The following ILDR1 variants were observed in gnomAD, a reference collection of about 807,000 sequenced individuals.
ILDR1 encodes immunoglobulin-like domain-containing receptor 1.
A neutral mutation model predicts 62.4 loss-of-function variants in ILDR1; 56 were observed. The ratio of observed to expected loss-of-function variants is 0.90; its 90% CI spans 0.72 to 1.12. The LOEUF (loss-of-function observed/expected upper bound fraction) is 1.12. Ranked by LOEUF, ILDR1 falls within the 50% of genes most tolerant of loss-of-function variation. The probability of loss-of-function intolerance (pLI) is 0.00; values close to 1 mark genes in which losing one functional copy is unlikely to be tolerated. For missense variants in ILDR1, 736 were observed against 710.6 expected (o/e 1.04, Z -0.41); for synonymous variants, 284 against 277.8 (o/e 1.02, Z -0.22).
rs1469918605 is a variant in ILDR1, at chr3:122,005,302, C to T, written c.321G>A (p.Gly107=). ...CTACCCCCAGCACGGGCTCATTCTG[C>T]CCCCGCCGCTGGGCCACTATGCGAA... ...REVRIVAQRR[G]QNEPVLGVDY... The change falls in exon 3 of 8, where the codon GGG becomes GGA. Residue 107 remains glycine, a synonymous_variant. Coordinates refer to ENST00000344209, the MANE Select transcript of ILDR1 (RefSeq NM_001199799.2). The T allele has an allele frequency of 2.5e-6, 4 of 1,613,566 alleles. No individual in the cohort carries two copies. In the South Asian group the frequency reaches 3.3e-5, roughly 13 times the overall value.
Position 121,993,293 on chromosome 3 carries a change from C to A in ILDR1, c.1456G>T (p.Glu486Ter). 9 of 1,613,502 alleles carry A rather than the reference C, an allele frequency of 5.6e-6. No individual in the cohort carries two copies. The highest frequency in any genetic ancestry group is 7.6e-6 in the Non-Finnish European group (9 of 1,179,678). The change falls in exon 7 of 8, where the codon GAG (glutamate) becomes TAG (stop). Residue 486 changes from glutamate (E) to a stop codon, truncating the protein, a stop_gained. Transcript: ENST00000344209. LOFTEE classifies it high-confidence loss of function. ...GCCCGCCAGCTCTGGGGCTGCCTCT[C>A]CTTGTCCTCTTCAGAGCTCCAGGAA... ...LSSWSSEEDK[E>*]RQPQSWRAHR...
At chr3:122,037,543 A>G in the ILDR1 span, among the ~76,000 whole-genome samples, 1 of 152,166 alleles carries the variant, frequency 6.6e-6, no homozygotes, top group Non-Finnish European at 1.5e-5. Flanking sequence ...CATTTACCCA[A>G]GGCCTGTACC....
rs577556118 is a variant in ILDR1 at position 122,022,199 on chromosome 3, G to C, written c.-122C>G. 9.4e-6 allele frequency: 8 copies of C among 853,324 alleles called. No individual in the cohort carries two copies. The South Asian group carries it at 1.2e-4, about 13-fold the overall frequency. 52.9% of individuals were successfully genotyped at this position (853,324 alleles called of 1,614,324 possible). On this transcript the variant is annotated 5_prime_UTR_variant, in exon 1 of 8. Transcript: ENST00000344209. ...AACCCCTCGGGTTTCCCCTCCCTCG[G>C]CGCAGCGGGGAGGGAGCGTCCGCTC... is the stretch of plus-strand genomic sequence containing the variant.
At chr3:122,005,434 G>A in intron 2 of ILDR1, 41 bp from the exon 3 acceptor site, 3 of 1,609,844 alleles carry the variant, frequency 1.9e-6, no homozygotes, top group Non-Finnish European at 2.5e-6. Flanking sequence ...AGCAATAGGG[G>A]GTTCCCACAA....
chr3:122,000,453 G>A (rs1472694150), intron 5 of ILDR1, among the ~76,000 whole-genome samples: 1 of 152,174 alleles, frequency 6.6e-6, no homozygotes, highest in Non-Finnish European at 1.5e-5. Context: ...TGGGAGGGTG[G>A]CACACCTGGA....
chr3:122,022,291 C>T, upstream of ILDR1: 1 of 448,526 alleles, frequency 2.2e-6, no homozygotes, highest in Non-Finnish European at 3.9e-6. Context: ...CCGCCTCCCG[C>T]CCCGCGCGCC....
chr3:122,003,819 A>G (rs1389730014), intron 3 of ILDR1, among the ~76,000 whole-genome samples: 1 of 152,112 alleles, frequency 6.6e-6, no homozygotes. Context: ...ACTAGCTACT[A>G]TGGGGATTTC....
the ILDR1 span, among the ~76,000 whole-genome samples, chr3:122,034,465 C>T: frequency 6.6e-6 from 1 of 152,132 alleles, no homozygotes; most frequent in Non-Finnish European, 1.5e-5. Flanking sequence ...AAAGCAAGCT[C>T]ATATACAGAA....
At chr3:122,008,022 A>C (rs1285208697) in intron 1 of ILDR1, among the ~76,000 whole-genome samples, 2 of 152,180 alleles carry the variant, frequency 1.3e-5, no homozygotes, top group African/African-American at 2.4e-5. Context: ...TCATTGCTCA[A>C]ATACCAGTGC....
At chr3:122,047,818 C>A in the ILDR1 span, among the ~76,000 whole-genome samples, 5 of 152,252 alleles carry the variant, frequency 3.3e-5, no homozygotes, top group African/African-American at 1.2e-4. Context: ...CTGTCTGGCA[C>A]TCCCTAGTGA....
At chr3:122,017,797 C>T (rs1334101940) in intron 1 of ILDR1, among the ~76,000 whole-genome samples, 1 of 152,198 alleles carries the variant, frequency 6.6e-6, no homozygotes, top group African/African-American at 2.4e-5. Context: ...AAAAAATACT[C>T]ATCATCACTG....
At chr3:122,014,975 C>T (rs1453306937) in intron 1 of ILDR1, among the ~76,000 whole-genome samples, 1 of 152,194 alleles carries the variant, frequency 6.6e-6, no homozygotes, top group African/African-American at 2.4e-5. Context: ...AGAACACACA[C>T]ATTCATTCAT....
intron 1 of ILDR1, among the ~76,000 whole-genome samples, chr3:122,016,859 T>C (rs148639055): frequency 6.6e-6 from 1 of 152,238 alleles, no homozygotes; most frequent in African/African-American, 2.4e-5. Context: ...AGTATAAGAA[T>C]TGTCACCCAA....
chr3:122,016,125 T>C (rs1320381133), intron 1 of ILDR1, among the ~76,000 whole-genome samples: 1 of 152,224 alleles, frequency 6.6e-6, no homozygotes, highest in Non-Finnish European at 1.5e-5. Context: ...GCTAACATTC[T>C]TCTCATCTCT....
chr3:122,019,417 G>A (rs2071825964), intron 1 of ILDR1, among the ~76,000 whole-genome samples: 1 of 152,002 alleles, frequency 6.6e-6, no homozygotes, highest in Non-Finnish European at 1.5e-5. Context: ...CAATGTACTT[G>A]GATCTTTCTG....
At chr3:122,051,969 T>C in the ILDR1 span, among the ~76,000 whole-genome samples, 1 of 152,208 alleles carries the variant, frequency 6.6e-6, no homozygotes, top group Non-Finnish European at 1.5e-5. Flanking sequence ...CTATAGTGTG[T>C]GTCCTCCAAA....
the ILDR1 span, among the ~76,000 whole-genome samples, chr3:122,031,850 C>A: frequency 6.6e-6 from 1 of 152,292 alleles, no homozygotes; most frequent in Non-Finnish European, 1.5e-5. Flanking sequence ...AATAGGACAC[C>A]AACCCTGGGT....
the ILDR1 span, among the ~76,000 whole-genome samples, chr3:122,045,896 T>C: frequency 4.6e-5 from 7 of 151,720 alleles, no homozygotes; most frequent in East Asian, 1.4e-3. Context: ...TGTCTTTTAA[T>C]TGGAGAATTT....
chr3:121,993,255 G>A lies in ILDR1; in HGVS notation c.1494C>T (p.Gly498=). ...QPQSWRAHRR[G]SHSPHWPEEK... ...CCTCGGGCCAGTGTGGGGAGTGCGA[G>A]CCGCGGCGGTGGGCCCGCCAGCTCT... Residue 498 remains glycine, a synonymous_variant, in exon 7 of 8, where the codon GGC becomes GGT. Coordinates refer to ENST00000344209, the MANE Select transcript of ILDR1 (RefSeq NM_001199799.2). The A allele has an allele frequency of 6.2e-7, 1 of 1,613,640 alleles. No homozygotes were observed. The highest frequency in any genetic ancestry group is 8.5e-7 in the Non-Finnish European group (1 of 1,179,796).
Sources: gnomAD v4.1 joint callset for allele counts (sites outside exome capture counted in the v4.1 genomes callset) on GRCh38, gnomAD v4.1.1 for gene constraint, MANE v1.5 for transcripts, NCBI Gene and HGNC (gene_info 2026-07-23, HGNC 2026-07-21) for gene names.